The following SLC24A2 variants were observed in gnomAD, a reference collection of about 807,000 sequenced individuals.
SLC24A2 encodes sodium/potassium/calcium exchanger 2.
A neutral mutation model predicts 62.0 loss-of-function variants in SLC24A2; 36 were observed. The observed-to-expected ratio is 0.58, with a 90% confidence interval of 0.44 to 0.77. The LOEUF (loss-of-function observed/expected upper bound fraction) is 0.77. Ranked by LOEUF, SLC24A2 falls within the 30% of genes least tolerant of loss-of-function variation. The pLI, the probability that SLC24A2 is intolerant of heterozygous loss-of-function variation, is 0.00. For missense variants in SLC24A2, 846 were observed against 817.9 expected (o/e 1.03, Z -0.42); for synonymous variants, 358 against 294.0 (o/e 1.22, Z -2.23).
At chr9:19,647,103 C>G (rs1214066574) in intron 2 of SLC24A2, among the ~76,000 whole-genome samples, 1 of 147,602 alleles carries the variant, frequency 6.8e-6, no homozygotes, top group African/African-American at 2.5e-5. Context: ...CACACACACA[C>G]ACACACAGAG....
intron 2 of SLC24A2, among the ~76,000 whole-genome samples, chr9:19,668,959 T>C (rs1374578652): frequency 6.6e-6 from 1 of 152,210 alleles, no homozygotes; most frequent in Non-Finnish European, 1.5e-5. Context: ...AGTGCTATAT[T>C]TCATCAGCCT....
chr9:19,707,852 G>T (rs1250005049), intron 2 of SLC24A2, among the ~76,000 whole-genome samples: 1 of 152,114 alleles, frequency 6.6e-6, no homozygotes, highest in Non-Finnish European at 1.5e-5. Flanking sequence ...CACAAGACAG[G>T]GATGCCCTCT....
chr9:19,577,159 G>C (rs1836043012), intron 5 of SLC24A2, 137 bp from the exon 6 acceptor site: 2 of 753,526 alleles, frequency 2.7e-6, no homozygotes, highest in African/African-American at 1.7e-5. Flanking sequence ...CAATGCACCA[G>C]GACCTTCCTG....
the SLC24A2 span, among the ~76,000 whole-genome samples, chr9:20,124,725 C>T: frequency 6.6e-6 from 1 of 152,154 alleles, no homozygotes; most frequent in African/African-American, 2.4e-5. Context: ...TTTAATGTGC[C>T]CCCAGTTCCC....
chr9:19,893,343 G>C, the SLC24A2 span, among the ~76,000 whole-genome samples: 2 of 152,134 alleles, frequency 1.3e-5, no homozygotes, highest in Admixed American at 6.5e-5. Flanking sequence ...AACCATATCT[G>C]GAAAACAGCC....
chr9:19,647,459 C>T (rs1818676246), intron 2 of SLC24A2, among the ~76,000 whole-genome samples: 1 of 152,178 alleles, frequency 6.6e-6, no homozygotes, highest in African/African-American at 2.4e-5. Flanking sequence ...AACATGTGGA[C>T]ATCCATGGCT....
chr9:20,110,846 C>G, the SLC24A2 span, among the ~76,000 whole-genome samples: 35 of 152,244 alleles, frequency 2.3e-4, no homozygotes, highest in Non-Finnish European at 3.7e-4. Context: ...TATATTTCAC[C>G]AATTCTAAGA....
At chr9:20,260,673 GT>G in the SLC24A2 span, among the ~76,000 whole-genome samples, 1 of 151,496 alleles carries the variant, frequency 6.6e-6, no homozygotes, top group Non-Finnish European at 1.5e-5. Flanking sequence ...ATTTCAATAG[GT>G]TTGTGGAGAA....
At chr9:20,194,297 A>G in the SLC24A2 span, among the ~76,000 whole-genome samples, 1 of 152,106 alleles carries the variant, frequency 6.6e-6, no homozygotes, top group Non-Finnish European at 1.5e-5. Context: ...CCATAAACCA[A>G]TATCTCTGGG....
At chr9:19,970,199 C>A in the SLC24A2 span, among the ~76,000 whole-genome samples, 1 of 152,158 alleles carries the variant, frequency 6.6e-6, no homozygotes, top group Admixed American at 6.5e-5. Flanking sequence ...TGAGGAGGTT[C>A]TGATTTTCCC....
intron 2 of SLC24A2, among the ~76,000 whole-genome samples, chr9:19,715,749 T>C (rs1217400335): frequency 6.6e-6 from 1 of 152,230 alleles, no homozygotes; most frequent in Non-Finnish European, 1.5e-5. Context: ...TTGGCAATTT[T>C]TATACAGCTG....
At chr9:19,863,521 T>A in the SLC24A2 span, among the ~76,000 whole-genome samples, 1 of 151,996 alleles carries the variant, frequency 6.6e-6, no homozygotes, top group South Asian at 2.1e-4. Flanking sequence ...AAGCATCCTC[T>A]GACCATAATG....
At chr9:19,785,773 T>A (rs1205992369) in intron 2 of SLC24A2, among the ~76,000 whole-genome samples, 164 bp downstream of exon 2, 1 of 152,314 alleles carries the variant, frequency 6.6e-6, no homozygotes, top group East Asian at 1.9e-4. Context: ...AAAATTATTT[T>A]TTCCACTGCT....
chr9:20,201,562 G>A, the SLC24A2 span, among the ~76,000 whole-genome samples: 8 of 152,190 alleles, frequency 5.3e-5, 1 homozygote, highest in Non-Finnish European at 1.2e-4. Context: ...TTACAACCTG[G>A]AAGAGGTGAC....
intron 2 of SLC24A2, among the ~76,000 whole-genome samples, chr9:19,639,039 A>T (rs906686970): frequency 5.9e-5 from 9 of 152,220 alleles, no homozygotes; most frequent in Non-Finnish European, 1.2e-4. Flanking sequence ...ATCATCCCAG[A>T]TGGGAACATA....
chr9:20,216,452 C>T, the SLC24A2 span, among the ~76,000 whole-genome samples: 3 of 152,228 alleles, frequency 2.0e-5, no homozygotes, highest in South Asian at 2.1e-4. Flanking sequence ...AAATCTAGGA[C>T]CCCATTAGGT....
intron 7 of SLC24A2, among the ~76,000 whole-genome samples, chr9:19,572,310 CTG>C (rs1274673626): frequency 6.7e-6 from 1 of 150,216 alleles, no homozygotes; most frequent in Non-Finnish European, 1.5e-5. Flanking sequence ...ACACCTTCAG[CTG>C]TGAGGTTAAA....
intron 8 of SLC24A2, among the ~76,000 whole-genome samples, chr9:19,542,108 C>A (rs1339485112): frequency 2.6e-5 from 4 of 152,118 alleles, no homozygotes; most frequent in Admixed American, 6.5e-5. Context: ...CACTGTCTGG[C>A]ACTCCCTAGT....
At chr9:19,809,846 G>A in the SLC24A2 span, among the ~76,000 whole-genome samples, 12 of 152,010 alleles carry the variant, frequency 7.9e-5, no homozygotes, top group Non-Finnish European at 1.5e-4. Flanking sequence ...CCTCTTGGAA[G>A]TTCCCTCTCT....
Sources: allele counts gnomAD v4.1 joint callset (sites outside exome capture counted in the v4.1 genomes callset), GRCh38; gene constraint gnomAD v4.1.1; transcripts MANE v1.5; gene names NCBI Gene and HGNC (gene_info 2026-07-23, HGNC 2026-07-21).